MACROD2: variants seen among roughly 807,000 people sequenced by gnomAD.
MACROD2 encodes the protein ADP-ribose glycohydrolase MACROD2.
Under a neutral mutation model 70.4 loss-of-function variants are expected in MACROD2, and 36 were observed. That is an observed-to-expected ratio of 0.51 (90% CI 0.39 to 0.68). The LOEUF is 0.68. Ranked by LOEUF, MACROD2 falls within the 30% of genes least tolerant of loss-of-function variation. The pLI is 0.00. For synonymous variants in MACROD2, 172 were observed against 178.8 expected, an observed-to-expected ratio of 0.96 and a Z score of 0.30; for missense variants, 496 against 538.4, an observed-to-expected ratio of 0.92 and a Z score of 0.78.
At chr20:15,510,748 C>T (rs907338802) in intron 8 of MACROD2, among the ~76,000 whole-genome samples, 3 of 152,190 alleles carry the variant, frequency 2.0e-5, no homozygotes, top group Non-Finnish European at 4.4e-5. Context: ...AAAAAACATC[C>T]GAAGACTGTG....
At chr20:14,014,967 ATTT>A (rs61499812) in intron 2 of MACROD2, among the ~76,000 whole-genome samples, 61 of 113,160 alleles carry the variant, frequency 5.4e-4, no homozygotes, top group Admixed American at 6.5e-4. Context: ...TGCCCAGCAA[ATTT>A]TTTTTTTTTT....
intron 6 of MACROD2, among the ~76,000 whole-genome samples, chr20:15,426,903 G>A (rs961201408): frequency 6.6e-6 from 1 of 152,172 alleles, no homozygotes; most frequent in South Asian, 2.1e-4. Context: ...ACTCACTTCT[G>A]ATGGCCCCAT....
In MACROD2 at chr20:14,519,658, G is replaced by A. The variant is rs1568651179; in HGVS notation, c.301+26150G>A. Among the ~76,000 whole-genome samples, 3 of 152,240 alleles carry A rather than the reference G, an allele frequency of 2.0e-5. No homozygotes were observed. The South Asian group carries it at 6.2e-4, about 32-fold the overall frequency. Reference sequence around the variant, plus strand: ...CAGCCACTGTGGAAAGCAGTTTGGCGATTCCTCAAAGAGCTAAAAACAGAA... The same window carrying A: ...CAGCCACTGTGGAAAGCAGTTTGGCAATTCCTCAAAGAGCTAAAAACAGAA... On this transcript the variant is annotated intron_variant, in intron 4 of 17. Transcript: ENST00000684519.
chr20:14,823,091 G>C (rs564635041), intron 5 of MACROD2, among the ~76,000 whole-genome samples: 1 of 152,024 alleles, frequency 6.6e-6, no homozygotes, highest in Non-Finnish European at 1.5e-5. Flanking sequence ...ATAGAGGCAT[G>C]ATTCTATGAT....
At chr20:15,696,837 C>T (rs1287782871) in intron 8 of MACROD2, among the ~76,000 whole-genome samples, 3 of 151,920 alleles carry the variant, frequency 2.0e-5, no homozygotes, top group Non-Finnish European at 4.4e-5. Context: ...AGTTTATGTG[C>T]ATAAAGGTGT....
chr20:15,855,884 A>G (rs1320229642), intron 8 of MACROD2, among the ~76,000 whole-genome samples: 2 of 152,090 alleles, frequency 1.3e-5, no homozygotes, highest in African/African-American at 4.8e-5. Context: ...TTGGTTTTTA[A>G]TATTCCATTA....
intron 5 of MACROD2, among the ~76,000 whole-genome samples, chr20:14,882,240 G>T (rs1361597942): frequency 6.6e-6 from 1 of 152,158 alleles, no homozygotes; most frequent in East Asian, 1.9e-4. Context: ...GTCAATATTT[G>T]ATGAGTAAAG....
intron 3 of MACROD2, among the ~76,000 whole-genome samples, chr20:14,436,992 C>T (rs1477898497): frequency 1.3e-5 from 2 of 152,118 alleles, no homozygotes; most frequent in African/African-American, 4.8e-5. Flanking sequence ...TTCACTTATA[C>T]AAATAGCTTT....
chr20:14,722,941 A>G (rs1297034518), intron 5 of MACROD2, among the ~76,000 whole-genome samples: 2 of 152,206 alleles, frequency 1.3e-5, no homozygotes, highest in Non-Finnish European at 2.9e-5. Flanking sequence ...TTGTCAGCTT[A>G]TATTAATCTG....
intron 6 of MACROD2, among the ~76,000 whole-genome samples, chr20:15,274,896 A>G (rs8115953): frequency 0.18 from 27,756 of 152,144 alleles, 2,825 homozygotes; most frequent in African/African-American, 0.27. Context: ...GCTTCCTGGA[A>G]GAAGTACCAC....
chr20:14,023,773 A>G (rs565103011), intron 2 of MACROD2, among the ~76,000 whole-genome samples: 2 of 152,294 alleles, frequency 1.3e-5, no homozygotes, highest in South Asian at 2.1e-4. Context: ...CTGTTTTAGC[A>G]CCAGTATCAT....
At chr20:15,921,874 G>T (rs1398385062) in intron 10 of MACROD2, among the ~76,000 whole-genome samples, 1 of 152,190 alleles carries the variant, frequency 6.6e-6, no homozygotes, top group Non-Finnish European at 1.5e-5. Flanking sequence ...TTGTCCTGTG[G>T]GCAGCTGAGA....
intron 8 of MACROD2, among the ~76,000 whole-genome samples, chr20:15,667,027 A>G (rs2049908293): frequency 6.6e-6 from 1 of 152,190 alleles, no homozygotes; most frequent in African/African-American, 2.4e-5. Flanking sequence ...TTACTGATCT[A>G]TCAATCTATC....
At chr20:15,559,706 A>G (rs1172569628) in intron 8 of MACROD2, among the ~76,000 whole-genome samples, 2 of 152,320 alleles carry the variant, frequency 1.3e-5, no homozygotes, top group Non-Finnish European at 1.5e-5. Context: ...CTGCGCATGT[A>G]CAGTCACTCT....
At chr20:15,476,643 G>A (rs1296331711) in intron 7 of MACROD2, among the ~76,000 whole-genome samples, 1 of 151,970 alleles carries the variant, frequency 6.6e-6, no homozygotes, top group Non-Finnish European at 1.5e-5. Context: ...TCCCTGAGCT[G>A]GTAGAGTTGT....
At chr20:14,082,382 C>T (rs2054010805) in intron 2 of MACROD2, among the ~76,000 whole-genome samples, 3 of 144,382 alleles carry the variant, frequency 2.1e-5, no homozygotes, top group East Asian at 2.0e-4. Flanking sequence ...TTAGTAGAGA[C>T]GGAGTTTCAC....
At chr20:14,974,790 A>G (rs752302354) in intron 5 of MACROD2, among the ~76,000 whole-genome samples, 7 of 152,098 alleles carry the variant, frequency 4.6e-5, no homozygotes, top group Non-Finnish European at 8.8e-5. Flanking sequence ...TAGTCTGTAT[A>G]ATCAGCTTCT....
chr20:15,398,270 A>G (rs577474009), intron 6 of MACROD2, among the ~76,000 whole-genome samples: 17 of 152,344 alleles, frequency 1.1e-4, no homozygotes, highest in African/African-American at 4.1e-4. Context: ...CAGCAAATAT[A>G]CTGTCAACTC....
chr20:14,047,586 G>A (rs894886631), intron 2 of MACROD2, among the ~76,000 whole-genome samples: 2 of 151,902 alleles, frequency 1.3e-5, no homozygotes, highest in African/African-American at 2.4e-5. Context: ...TGGACATAAA[G>A]GTATTTATTA....
Sources: allele counts gnomAD v4.1 joint callset (sites outside exome capture counted in the v4.1 genomes callset), GRCh38; gene constraint gnomAD v4.1.1; transcripts MANE v1.5; gene names NCBI Gene and HGNC (gene_info 2026-07-23, HGNC 2026-07-21).